PZP: variants seen among roughly 807,000 people sequenced by gnomAD.
PZP encodes pregnancy zone protein.
Under a neutral mutation model 179.8 loss-of-function variants are expected in PZP, and 150 were observed. The ratio of observed to expected loss-of-function variants is 0.83; its 90% CI spans 0.73 to 0.96. PZP has a LOEUF of 0.96. PZP is among the 40% of genes least tolerant of loss of function. PZP has a pLI of 0.00. For synonymous variants in PZP, 624 were observed against 652.3 expected (o/e 0.96, Z 0.66); for missense variants, 1,689 against 1,764.0 (o/e 0.96, Z 0.76).
chr12:9,164,953 C>T (rs1381340377), intron 19 of PZP, among the ~76,000 whole-genome samples, 186 bp downstream of exon 19: 1 of 152,162 alleles, frequency 6.6e-6, no homozygotes, highest in Admixed American at 6.5e-5. Context: ...GATTTAAGCA[C>T]CCATAGCACA....
At chr12:9,142,612 T>C in the PZP span, among the ~76,000 whole-genome samples, 1 of 152,204 alleles carries the variant, frequency 6.6e-6, no homozygotes, top group African/African-American at 2.4e-5. Context: ...GCTTTTTAAA[T>C]AGACATTGCA....
intron 13 of PZP, among the ~76,000 whole-genome samples, chr12:9,187,341 C>A (rs1370403358): frequency 1.3e-5 from 2 of 152,080 alleles, no homozygotes. Flanking sequence ...ATCTGATAGA[C>A]ATCTACAAAA....
chr12:9,207,339 A>G (rs887782017), intron 1 of PZP, among the ~76,000 whole-genome samples: 3 of 152,306 alleles, frequency 2.0e-5, no homozygotes, highest in African/African-American at 7.2e-5. Context: ...ATGTGCTATT[A>G]TTGGACCCAA....
In PZP at chr12:9,166,143, G is replaced by T. The variant is rs762329864; in HGVS notation, c.2167C>A (p.Pro723Thr). 3.7e-6 allele frequency: 6 copies of T among 1,613,862 alleles called. No homozygotes were observed. Among genetic ancestry groups the T allele is most frequent in the African/African-American group, 1.3e-5 (1 of 75,028 alleles). The change falls in exon 18 of 36, where the codon CCC (proline) becomes ACC (threonine). Residue 723 changes from proline (P) to threonine (T), a missense_variant. Pro to Thr is a conservative substitution (Grantham distance 38). Coordinates refer to ENST00000261336, the MANE Select transcript of PZP (RefSeq NM_002864.3). ...VPQLGTYNVIPLNNEQSSGPV... is the reference protein window; with the variant it reads ...VPQLGTYNVITLNNEQSSGPV... ...CCTGAACTTTGTTCATTATTTAAGG[G>T]TATCACATTATATGTGCCTAATTGA...
In PZP at chr12:9,192,815, T is replaced by TA; in HGVS notation, c.1255-77dup. ...TTAGCTTCTCACCAAAATGAATAGT[T>TA]ACAACGGTGTCTTCCACTCTAAAAT... On this transcript the variant is annotated intron_variant, in intron 11 of 35. Coordinates refer to ENST00000261336, the MANE Select transcript of PZP (RefSeq NM_002864.3). The TA allele has an allele frequency of 5.2e-6, 5 of 961,806 alleles. No individual in the cohort carries two copies. The East Asian group carries it at 9.7e-5, about 19-fold the overall frequency. 59.6% of individuals were successfully genotyped at this position (961,806 alleles called of 1,614,324 possible).
At position 9,165,288 on chromosome 12, in the gene PZP, C is replaced by T. The variant is rs766597949; in HGVS notation, c.2338G>A (p.Glu780Lys). Residue 780 changes from glutamate (E) to lysine (K), a missense_variant, in exon 19 of 36, where the codon GAA becomes AAA. Around this residue, in one of 3 missense-constraint regions of PZP, gnomAD observed 201 missense variants for 284.2 expected, o/e 0.71. Transcript: ENST00000261336. ...EWKAGAFCLS[E>K]DAGLGISSTA... Reference sequence around the variant, plus strand: ...GAAGAGATACCAAGTCCAGCATCTTCGGACAGGCAGAAGGCCCCTGCCTTC... The same window carrying T: ...GAAGAGATACCAAGTCCAGCATCTTTGGACAGGCAGAAGGCCCCTGCCTTC... 50 of 1,614,058 alleles carry T rather than the reference C, an allele frequency of 3.1e-5. No individual in the cohort carries two copies. The highest frequency in any genetic ancestry group is 1.8e-4 in the South Asian group (16 of 91,070).
chr12:9,137,471 TTTC>T, the PZP span, among the ~76,000 whole-genome samples: 1 of 152,156 alleles, frequency 6.6e-6, no homozygotes, highest in Non-Finnish European at 1.5e-5. Flanking sequence ...GTCCTCCAGC[TTTC>T]TTCTTCTTTC....
In PZP at chr12:9,203,451, C is replaced by T. The variant is rs374321208; in HGVS notation, c.267+317G>A. On this transcript the variant is annotated intron_variant, in intron 2 of 35. Coordinates refer to ENST00000261336, the MANE Select transcript of PZP (RefSeq NM_002864.3). ...TCGCCTCCCGGGTTCACGCCATTCT[C>T]CTGCCTCAGCCTCCCAGGTAGCTGG... 2.8e-3 allele frequency among the ~76,000 whole-genome samples: 417 copies of T among 151,132 alleles called. 17 individuals are homozygous for T. The South Asian group carries it at 0.082, about 30-fold the overall frequency.
At chr12:9,178,701 A>G (rs1229596793) in intron 15 of PZP, among the ~76,000 whole-genome samples, 1 of 152,198 alleles carries the variant, frequency 6.6e-6, no homozygotes, top group African/African-American at 2.4e-5. Flanking sequence ...TGGAAAAGGC[A>G]TTAAATTTGT....
intron 28 of PZP, 28 bp from the exon 29 acceptor site, chr12:9,154,867 G>T: frequency 6.3e-7 from 1 of 1,575,772 alleles, no homozygotes; most frequent in Non-Finnish European, 8.7e-7. Context: ...GGAGATAATT[G>T]TAACTCATCA....
chr12:9,196,211 A>T, intron 10 of PZP, 119 bp downstream of exon 10: 1 of 599,264 alleles, frequency 1.7e-6, no homozygotes, highest in Middle Eastern at 4.0e-4. Flanking sequence ...CCTTGGTTTC[A>T]TGGTTTTTGG....
intron 5 of PZP, 75 bp from the exon 6 acceptor site, chr12:9,201,135 G>A (rs1944131304): frequency 1.9e-6 from 3 of 1,549,596 alleles, no homozygotes; most frequent in Admixed American, 3.6e-5. Context: ...TGATTTTGAA[G>A]GTGATAATTA....
chr12:9,207,804 G>A (rs553193820), intron 1 of PZP, among the ~76,000 whole-genome samples: 3 of 152,144 alleles, frequency 2.0e-5, no homozygotes, highest in Non-Finnish European at 4.4e-5. Context: ...AACTGGATAG[G>A]GTTAAAATTA....
At chr12:9,199,151 G>A in intron 7 of PZP, among the ~76,000 whole-genome samples, 1 of 152,136 alleles carries the variant, frequency 6.6e-6, no homozygotes, top group East Asian at 1.9e-4. Context: ...TGATAGGGGA[G>A]GCACACTCAT....
intron 21 of PZP, among the ~76,000 whole-genome samples, chr12:9,163,408 G>T (rs1157895704): frequency 6.6e-6 from 1 of 150,632 alleles, no homozygotes; most frequent in Non-Finnish European, 1.5e-5. Context: ...AGCCGAGATC[G>T]CAACACTGCA....
chr12:9,160,380 A>G lies in PZP; in HGVS notation c.2983T>C (p.Tyr995His). Residue 995 changes from tyrosine to histidine, a missense_variant, in exon 24 of 36, where the codon TAT (tyrosine) becomes CAT (histidine). By Grantham distance (83) the Tyr-to-His change is moderately conservative. Transcript: ENST00000261336. ...GTCAGCTGCTGGGTTTCATTCAGATAGTTCAAGACATAGATGTTAGGAGCA... is the reference window on the plus strand; with the variant it reads ...GTCAGCTGCTGGGTTTCATTCAGATGGTTCAAGACATAGATGTTAGGAGCA... ...LFAPNIYVLN[Y>H]LNETQQLTQE... The G allele has an allele frequency of 6.2e-7, 1 of 1,614,184 alleles. No homozygotes were observed. Among genetic ancestry groups the G allele is most frequent in the East Asian group, 2.2e-5 (1 of 44,872 alleles).
intron 17 of PZP, among the ~76,000 whole-genome samples, chr12:9,166,439 G>A (rs1313481591): frequency 3.3e-5 from 5 of 152,174 alleles, no homozygotes; most frequent in Non-Finnish European, 7.3e-5. Context: ...GATGTGAATG[G>A]AAGCTGGAAA....
intron 29 of PZP, among the ~76,000 whole-genome samples, 185 bp downstream of exon 29, chr12:9,154,431 C>T (rs1235091441): frequency 6.6e-6 from 1 of 152,182 alleles, no homozygotes; most frequent in Non-Finnish European, 1.5e-5. Context: ...TAACATAGGG[C>T]TTAGTGAAAA....
intron 31 of PZP, 148 bp downstream of exon 31, chr12:9,152,676 A>G: frequency 1.2e-6 from 1 of 809,776 alleles, no homozygotes; most frequent in Non-Finnish European, 1.8e-6. Flanking sequence ...GGATCACGTC[A>G]TAATGATAAA....
Sources: gnomAD v4.1 joint callset for allele counts (sites outside exome capture counted in the v4.1 genomes callset) on GRCh38, gnomAD v4.1.1 for gene constraint, gnomAD v4.1.1 regional missense constraint, MANE v1.5 for transcripts, NCBI Gene and HGNC (gene_info 2026-07-23, HGNC 2026-07-21) for gene names.